TMEM87A: variants seen among roughly 807,000 people sequenced by gnomAD.
The protein encoded by TMEM87A is Golgi-pH regulating cation channel.
Under a neutral mutation model 90.0 loss-of-function variants are expected in TMEM87A, and 50 were observed. The observed-to-expected ratio is 0.56, with a 90% CI of 0.44 to 0.70. The LOEUF is 0.70. TMEM87A is among the 30% of genes least tolerant of loss of function. The probability of loss-of-function intolerance (pLI) is 0.00; values close to 1 mark genes in which losing one functional copy is unlikely to be tolerated. For synonymous variants in TMEM87A, 226 were observed against 226.7 expected, an observed-to-expected ratio of 1.00 and a Z score of 0.03; for missense variants, 577 against 660.5, an observed-to-expected ratio of 0.87 and a Z score of 1.39.
At chr15:42,265,676 T>C (rs1214447661) in intron 3 of TMEM87A, among the ~76,000 whole-genome samples, 12 of 152,224 alleles carry the variant, frequency 7.9e-5, no homozygotes, top group Admixed American at 7.9e-4. Flanking sequence ...ATAGTTTCTT[T>C]TGCTGTGCAG....
intron 6 of TMEM87A, chr15:42,258,424 A>G (rs996985519): frequency 7.4e-6 from 5 of 676,964 alleles, no homozygotes; most frequent in African/African-American, 1.9e-5. Context: ...AATCCAATGA[A>G]TATCTTTTTT....
chr15:42,221,885 G>A (rs1256601633), intron 15 of TMEM87A, among the ~76,000 whole-genome samples: 1 of 152,018 alleles, frequency 6.6e-6, no homozygotes, highest in Non-Finnish European at 1.5e-5. Flanking sequence ...CAAGTAGCTG[G>A]GATTACAGGC....
chr15:42,264,236 C>CTA, intron 3 of TMEM87A, 33 bp from the exon 4 acceptor site: 1 of 1,474,454 alleles, frequency 6.8e-7, no homozygotes, highest in Non-Finnish European at 9.4e-7. Flanking sequence ...GTAGTTAACT[C>CTA]ACCTTCCAAA....
At chr15:42,260,603 A>G (rs576763680) in intron 6 of TMEM87A, among the ~76,000 whole-genome samples, 49 of 152,198 alleles carry the variant, frequency 3.2e-4, no homozygotes, top group Non-Finnish European at 4.4e-4. Flanking sequence ...ATAGCTTTAG[A>G]CCTTATTTCA....
At chr15:42,256,700 T>A (rs1264421351) in intron 6 of TMEM87A, among the ~76,000 whole-genome samples, 2 of 152,122 alleles carry the variant, frequency 1.3e-5, no homozygotes, top group Non-Finnish European at 2.9e-5. Context: ...AAATGAAGGT[T>A]CACCCTCAAC....
In TMEM87A at chr15:42,217,837, C is replaced by T; in HGVS notation, c.1596-4G>A. On this transcript the variant is annotated splice_polypyrimidine_tract_variant and splice_region_variant and intron_variant, in intron 18 of 19. Transcript: ENST00000389834. ...ATCCAGAAGGGCTGGAAGTGCTCTG[C>T]AAAGAGAGAGAAATACTAAATTGAA... The T allele has an allele frequency of 6.2e-7, 1 of 1,611,718 alleles. No individual in the cohort carries two copies. The highest frequency in any genetic ancestry group is 8.5e-7 in the Non-Finnish European group (1 of 1,179,372).
At chr15:42,215,239 C>T (rs766049181) in intron 19 of TMEM87A, among the ~76,000 whole-genome samples, 5 of 152,178 alleles carry the variant, frequency 3.3e-5, no homozygotes, top group African/African-American at 1.2e-4. Context: ...GTGGCTCACG[C>T]CTGTAATCCC....
chr15:42,258,015 T>A (rs2051215477), intron 6 of TMEM87A: 1 of 973,668 alleles, frequency 1.0e-6, no homozygotes, highest in Non-Finnish European at 1.2e-6. Flanking sequence ...TCTTCTGAGA[T>A]CAGAAAATAA....
At chr15:42,217,127 T>TAGAG (rs2050397200) in intron 19 of TMEM87A, among the ~76,000 whole-genome samples, 26 of 152,046 alleles carry the variant, frequency 1.7e-4, no homozygotes, top group Admixed American at 1.7e-3. Context: ...CTAATTTTTG[T>TAGAG]ATGTTTTGTA....
intron 6 of TMEM87A, among the ~76,000 whole-genome samples, chr15:42,246,557 GTCC>G (rs762060867): frequency 5.9e-5 from 9 of 151,758 alleles, no homozygotes; most frequent in Non-Finnish European, 1.3e-4. Flanking sequence ...TTGGTTTTCT[GTCC>G]TCGAGAGTTT....
intron 6 of TMEM87A, among the ~76,000 whole-genome samples, chr15:42,257,326 T>A (rs1002000403): frequency 6.6e-6 from 1 of 151,810 alleles, no homozygotes; most frequent in African/African-American, 2.4e-5. Context: ...AAAAGCCCAC[T>A]ACCTCCTCTC....
chr15:42,245,752 G>A (rs1231924187), intron 6 of TMEM87A, among the ~76,000 whole-genome samples: 6 of 151,430 alleles, frequency 4.0e-5, no homozygotes, highest in African/African-American at 9.7e-5. Context: ...GCCTGGTCTC[G>A]AACTCCTGAC....
chr15:42,261,048 T>C, intron 5 of TMEM87A, 46 bp from the exon 6 acceptor site: 4 of 1,572,562 alleles, frequency 2.5e-6, no homozygotes, highest in Non-Finnish European at 1.7e-6. Context: ...GAACTTCTTG[T>C]TTTTAGCTGC....
At chr15:42,219,742 C>T (rs1407232613) in intron 16 of TMEM87A, 100 bp from the exon 17 acceptor site, 2 of 780,700 alleles carry the variant, frequency 2.6e-6, no homozygotes, top group Non-Finnish European at 4.0e-6. Flanking sequence ...ATTAAAAGCC[C>T]CAAAGTTACT....
At position 42,211,138 on chromosome 15, in the gene TMEM87A, C is replaced by CTTTTTTTTTTTT. The variant is rs11433755; in HGVS notation, c.*558_*569dup. 3.4e-5 allele frequency: 5 copies of CTTTTTTTTTTTT among 145,284 alleles called. No individual in the cohort carries two copies. The allele number at this position is 145,284 out of a possible 1,614,324, so 9.0% of individuals were successfully genotyped here. On this transcript the variant is annotated 3_prime_UTR_variant, in exon 20 of 20. Transcript: ENST00000389834. ...TCTGAATCATACTGTAACAGTTTCT[C>CTTTTTTTTTTTT]TTTTTTTTTTTTTCTTTTGATCATT...
At chr15:42,273,222 C>G (rs759403180) in intron 1 of TMEM87A, 33 bp downstream of exon 1, 3 of 1,612,862 alleles carry the variant, frequency 1.9e-6, no homozygotes, top group Non-Finnish European at 2.5e-6. Context: ...CCTTGCTCCT[C>G]TAGGTTCAGA....
chr15:42,239,736 C>CA lies in TMEM87A; in HGVS notation c.623-6dup, dbSNP rs1271728019. The CA allele has an allele frequency of 6.2e-7, 1 of 1,612,052 alleles. No individual in the cohort carries two copies. Among genetic ancestry groups the CA allele is most frequent in the Non-Finnish European group, 8.5e-7 (1 of 1,178,288 alleles). On this transcript the variant is annotated splice_polypyrimidine_tract_variant and splice_region_variant and intron_variant, in intron 7 of 19. Coordinates refer to ENST00000389834, the MANE Select transcript of TMEM87A (RefSeq NM_015497.5). ...GACCCTTCACTTCAACAGTCACTGC[C>CA]AAAACAGAGTCCTCAGAATTAATTT...
intron 15 of TMEM87A, among the ~76,000 whole-genome samples, chr15:42,225,564 ACT>A (rs2050575901): frequency 6.6e-6 from 1 of 152,064 alleles, no homozygotes; most frequent in South Asian, 2.1e-4. Context: ...AGACAGTCTC[ACT>A]CTGTCACCCA....
Position 42,228,734 on chromosome 15 carries a change from G to C in TMEM87A, c.1218C>G (p.Asn406Lys). Reference sequence around the variant, plus strand: ...TACCTGCCACTGCCAAAATAAGCGTGTTGGTGAAATGCCGATACAAAGAGA... The same window carrying C: ...TACCTGCCACTGCCAAAATAAGCGTCTTGGTGAAATGCCGATACAAAGAGA... ...VKLSLYRHFTNTLILAVAASI... is the reference protein window; with the variant it reads ...VKLSLYRHFTKTLILAVAASI... The change falls in exon 13 of 20, where the codon AAC becomes AAG. Residue 406 changes from asparagine (N) to lysine (K), a missense_variant. Physicochemically the swap from Asn to Lys is moderately conservative, Grantham distance 94. Coordinates refer to ENST00000389834, the MANE Select transcript of TMEM87A (RefSeq NM_015497.5). 16 of 1,612,466 alleles carry C rather than the reference G, an allele frequency of 9.9e-6. No individual in the cohort carries two copies. Among genetic ancestry groups the C allele is most frequent in the Non-Finnish European group, 1.4e-5 (16 of 1,179,566 alleles).
Sources: allele counts gnomAD v4.1 joint callset (sites outside exome capture counted in the v4.1 genomes callset), GRCh38; gene constraint gnomAD v4.1.1; transcripts MANE v1.5; gene names NCBI Gene and HGNC (gene_info 2026-07-23, HGNC 2026-07-21).